The following BRSK2 variants were observed in gnomAD, a reference collection of about 807,000 sequenced individuals.
BRSK2 encodes BR serine/threonine kinase 2.
A neutral mutation model predicts 83.3 loss-of-function variants in BRSK2; 19 were observed. The ratio of observed to expected loss-of-function variants is 0.23; its 90% confidence interval spans 0.16 to 0.33. The LOEUF (loss-of-function observed/expected upper bound fraction) is 0.33, where lower values mean the gene tolerates loss of function less well. Ranked by LOEUF, BRSK2 falls within the 10% of genes least tolerant of loss-of-function variation. The probability of loss-of-function intolerance (pLI) is 1.00; values close to 1 mark genes in which losing one functional copy is unlikely to be tolerated. For missense variants in BRSK2, 798 were observed against 1,042.3 expected (o/e 0.77, Z 3.23); for synonymous variants, 519 against 435.4 (o/e 1.19, Z -2.39).
Position 1,461,017 on chromosome 11 carries a change from G to C in BRSK2, c.*294G>C. On this transcript the variant is annotated 3_prime_UTR_variant, in exon 20 of 20. Coordinates refer to ENST00000528841, the MANE Select transcript of BRSK2 (RefSeq NM_001256627.2). The stretch of plus-strand genomic sequence containing the variant: ...TGTCACCTCCACGAGGCCATCCTCT[G>C]TGACCGAAGGCAGCTGCTGCGGACC... 6.2e-7 allele frequency: 1 copy of C among 1,611,776 alleles called. No homozygotes were observed.
intron 1 of BRSK2, among the ~76,000 whole-genome samples, chr11:1,395,267 G>A (rs1260421146): frequency 6.6e-6 from 1 of 152,186 alleles, no homozygotes; most frequent in Non-Finnish European, 1.5e-5. Context: ...GCTGTTCTCA[G>A]GGGCGCCGTG....
rs370561640 is a variant in BRSK2 at position 1,443,635 on chromosome 11, G to C, written c.780G>C (p.Thr260=). The C allele has an allele frequency of 2.5e-6, 4 of 1,595,824 alleles. No homozygotes were observed. The Admixed American group carries it at 6.7e-5, about 27-fold the overall frequency. The change falls in exon 8 of 20, where the codon ACG becomes ACC. Residue 260 remains threonine, a splice_region_variant and synonymous_variant. Coordinates refer to ENST00000528841, the MANE Select transcript of BRSK2 (RefSeq NM_001256627.2). ...MIEVDAARRL[T]LEHIQKHIWY... ...AGGTGGACGCCGCACGCCGCCTCAC[G>C]GTGCGTGCCCTCGGAGCGGGGCGGC... is the stretch of plus-strand genomic sequence containing the variant.
chr11:1,414,570 TTAGTG>T (rs1347171223), intron 1 of BRSK2, among the ~76,000 whole-genome samples: 2 of 152,236 alleles, frequency 1.3e-5, no homozygotes, highest in Non-Finnish European at 2.9e-5. Context: ...CTGACATTGT[TTAGTG>T]TAGGGTGATA....
chr11:1,415,474 C>T (rs140477464), intron 1 of BRSK2, among the ~76,000 whole-genome samples: 3 of 152,138 alleles, frequency 2.0e-5, no homozygotes, highest in East Asian at 1.9e-4. Context: ...TGGAGTGCAG[C>T]GATTTGATTG....
At chr11:1,414,408 T>C (rs944412471) in intron 1 of BRSK2, among the ~76,000 whole-genome samples, 1 of 152,170 alleles carries the variant, frequency 6.6e-6, no homozygotes, top group Non-Finnish European at 1.5e-5. Context: ...TTGGCATCAC[T>C]GGGATCCCAG....
In BRSK2 at chr11:1,460,635, G is replaced by A. The variant is rs1172965718; in HGVS notation, c.2123G>A (p.Gly708Asp). 1 of 1,529,538 alleles carries A rather than the reference G, an allele frequency of 6.5e-7. No homozygotes were observed. The highest frequency in any genetic ancestry group is 1.2e-5 in the South Asian group (1 of 83,770). 94.7% of individuals were successfully genotyped at this position (1,529,538 alleles called of 1,614,324 possible). A position where few individuals can be genotyped will look rare whatever the true frequency, so the allele number is the denominator to read the frequency against. The change falls in exon 20 of 20, where the codon GGC becomes GAC. Residue 708 changes from glycine (G) to aspartate (D), a missense_variant. Around this residue, in one of 6 missense-constraint regions of BRSK2, gnomAD observed 455 missense variants for 455.2 expected, o/e 1.00. Transcript: ENST00000528841. ...HGPLGDSAAA[G>D]PGPGGDAEYP... ...CCACTCGGTGACTCCGCGGCCGCTG[G>A]CCCTGGCCCCGGAGGGGACGCCGAG...
intron 12 of BRSK2, among the ~76,000 whole-genome samples, chr11:1,446,905 G>T (rs1432715989): frequency 1.3e-5 from 2 of 152,146 alleles, no homozygotes; most frequent in South Asian, 2.1e-4. Context: ...GATGTGGGGG[G>T]TGGGACAGGC....
chr11:1,460,985 G>A lies in BRSK2; in HGVS notation c.*262G>A. The A allele has an allele frequency of 3.7e-6, 6 of 1,612,412 alleles. No individual in the cohort carries two copies. The highest frequency in any genetic ancestry group is 5.1e-6 in the Non-Finnish European group (6 of 1,179,404). On this transcript the variant is annotated 3_prime_UTR_variant, in exon 20 of 20. Coordinates refer to ENST00000528841, the MANE Select transcript of BRSK2 (RefSeq NM_001256627.2). ...CTGATACCAGGAATTATCCCGAAAA[G>A]TTAACATGTCACCTCCACGAGGCCA... is the stretch of plus-strand genomic sequence containing the variant.
At chr11:1,446,080 G>T (rs1437176455) in intron 12 of BRSK2, among the ~76,000 whole-genome samples, 173 bp downstream of exon 12, 11 of 141,654 alleles carry the variant, frequency 7.8e-5, no homozygotes, top group Non-Finnish European at 1.1e-4. Flanking sequence ...TGGCTGGGCT[G>T]GGCTGGGCTT....
At chr11:1,424,413 G>A (rs1848970489) in intron 1 of BRSK2, among the ~76,000 whole-genome samples, 1 of 152,204 alleles carries the variant, frequency 6.6e-6, no homozygotes, top group Admixed American at 6.5e-5. Flanking sequence ...TGCCGGGGTG[G>A]CCCCCACCTG....
At chr11:1,429,337 CCTG>C (rs774848627) in intron 1 of BRSK2, among the ~76,000 whole-genome samples, 1 of 127,790 alleles carries the variant, frequency 7.8e-6, no homozygotes, top group Non-Finnish European at 1.6e-5. Flanking sequence ...AGGTGTGTGT[CCTG>C]GGTGCATGTG....
chr11:1,449,296 C>T (rs78996675), intron 12 of BRSK2, among the ~76,000 whole-genome samples: 2,792 of 152,286 alleles, frequency 0.018, 28 homozygotes, highest in South Asian at 0.041. Context: ...AGGGAAGGGC[C>T]GGCCGCTGAC....
In BRSK2 at chr11:1,441,369, C is replaced by T. The variant is rs549623247; in HGVS notation, c.413+441C>T. Among the ~76,000 whole-genome samples, 189 of 52,074 alleles carry T rather than the reference C, an allele frequency of 3.6e-3. 8 individuals carry two copies. The highest frequency in any genetic ancestry group is 0.017 in the African/African-American group (183 of 10,964). The allele number at this position is 52,074 out of a possible 152,430, so 34.2% of individuals were successfully genotyped here. A position where few individuals can be genotyped will look rare whatever the true frequency, so the allele number is the denominator to read the frequency against. The stretch of plus-strand genomic sequence containing the variant: ...CCCATTAGCGGCCCCTCAAGTGCAC[C>T]GTGCCCCCCATTAGCTGCCCCTCAA... On this transcript the variant is annotated intron_variant, in intron 4 of 19. Transcript: ENST00000528841.
intron 1 of BRSK2, among the ~76,000 whole-genome samples, chr11:1,395,587 C>T (rs1846023105): frequency 6.6e-6 from 1 of 152,192 alleles, no homozygotes; most frequent in Admixed American, 6.5e-5. Flanking sequence ...GAGCCCTAGG[C>T]CCTTGTCCTG....
rs375959007 is a variant in BRSK2, at chr11:1,440,806, C to T, written c.291C>T (p.His97=). 102 of 1,581,532 alleles carry T rather than the reference C, an allele frequency of 6.4e-5. No homozygotes were observed. The highest frequency in any genetic ancestry group is 1.7e-4 in the Middle Eastern group (1 of 5,966). Residue 97 remains histidine, a synonymous_variant, in exon 4 of 20, where the codon CAC becomes CAT. Coordinates refer to ENST00000528841, the MANE Select transcript of BRSK2 (RefSeq NM_001256627.2). ...CCTGCAGGTACCTGGTGCTAGAACA[C>T]GTGTCAGGTGGTGAGCTCTTCGACT... ...NKKYLYLVLE[H]VSGGELFDYL...
At chr11:1,446,045 TAGC>T in intron 12 of BRSK2, 138 bp downstream of exon 12, 3 of 810,016 alleles carry the variant, frequency 3.7e-6, no homozygotes, top group Non-Finnish European at 5.3e-6. Flanking sequence ...AAACTGGGCT[TAGC>T]TGGGCTGGGC....
At chr11:1,410,790 G>A (rs1847393265) in intron 1 of BRSK2, 1 of 985,438 alleles carries the variant, frequency 1.0e-6, no homozygotes. Flanking sequence ...AAGGCCACAG[G>A]TGGCCCCCCC....
intron 1 of BRSK2, 65 bp from the exon 2 acceptor site, chr11:1,435,975 G>C (rs1393929150): frequency 7.8e-7 from 1 of 1,287,344 alleles, no homozygotes; most frequent in Non-Finnish European, 1.1e-6. Context: ...AACCTGCACT[G>C]TCCGGCTGGG....
chr11:1,415,972 A>T (rs1289654385), intron 1 of BRSK2, among the ~76,000 whole-genome samples: 2 of 152,248 alleles, frequency 1.3e-5, no homozygotes, highest in Admixed American at 6.5e-5. Flanking sequence ...GGAAAAGTTG[A>T]GAGTTTCAAA....
Sources: allele counts gnomAD v4.1 joint callset (sites outside exome capture counted in the v4.1 genomes callset), GRCh38; gene constraint gnomAD v4.1.1; regional missense constraint gnomAD v4.1.1; transcripts MANE v1.5; gene names NCBI Gene and HGNC (gene_info 2026-07-23, HGNC 2026-07-21).